The following SPIRE1 variants were observed in gnomAD, a reference collection of about 807,000 sequenced individuals.
SPIRE1 encodes protein spire homolog 1.
A neutral mutation model predicts 94.1 loss-of-function variants in SPIRE1; 40 were observed. The observed-to-expected ratio is 0.43, with a 90% CI of 0.33 to 0.55. The LOEUF is 0.55. Among genes scored for constraint, SPIRE1 ranks in the 20% least tolerant of loss-of-function variants. The pLI, the probability that SPIRE1 is intolerant of heterozygous loss-of-function variation, is 0.06. For missense variants in SPIRE1, 838 were observed against 975.2 expected, an observed-to-expected ratio of 0.86 and a Z score of 1.87; for synonymous variants, 376 against 371.7, an observed-to-expected ratio of 1.01 and a Z score of -0.13.
intron 2 of SPIRE1, among the ~76,000 whole-genome samples, chr18:12,623,719 C>A (rs575319919): frequency 4.5e-4 from 69 of 152,296 alleles, no homozygotes; most frequent in African/African-American, 1.4e-3. Context: ...ACCTCCACCT[C>A]CCAGGTTGAA....
At position 12,457,440 on chromosome 18, in the gene SPIRE1, G is replaced by A. The variant is rs543409844; in HGVS notation, c.1639-2957C>T. On this transcript the variant is annotated intron_variant, in intron 12 of 16. Transcript: ENST00000409402. ...ACTCTGGAATGTGGAGGGCACTCAAGGCCCCAGCTAGAGCGGGAGCCCTTC... is the reference window on the plus strand; with the variant it reads ...ACTCTGGAATGTGGAGGGCACTCAAAGCCCCAGCTAGAGCGGGAGCCCTTC... 8.6e-4 allele frequency among the ~76,000 whole-genome samples: 131 copies of A among 152,312 alleles called. 1 individual carries two copies. Among genetic ancestry groups the A allele is most frequent in the Non-Finnish European group, 1.2e-4 (8 of 68,030 alleles).
chr18:12,475,475 T>A (rs780390342), intron 10 of SPIRE1, among the ~76,000 whole-genome samples: 6 of 152,008 alleles, frequency 3.9e-5, no homozygotes, highest in Non-Finnish European at 7.4e-5. Context: ...CTGAAGGCAT[T>A]CAATAAATAT....
chr18:12,485,960 T>C lies in SPIRE1; in HGVS notation c.1230A>G (p.Ser410=), dbSNP rs2033023289. 1 of 1,531,766 alleles carries C rather than the reference T, an allele frequency of 6.5e-7. No individual in the cohort carries two copies. The highest frequency in any genetic ancestry group is 8.8e-7 in the Non-Finnish European group (1 of 1,141,268). 94.9% of individuals were successfully genotyped at this position (1,531,766 alleles called of 1,614,324 possible). A position where few individuals can be genotyped will look rare whatever the true frequency, so the allele number is the denominator to read the frequency against. The change falls in exon 9 of 17, where the codon TCA becomes TCG. Residue 410 remains serine, a splice_region_variant and synonymous_variant. Coordinates refer to ENST00000409402, the MANE Select transcript of SPIRE1 (RefSeq NM_001128626.2). ...PLSMSYSFDL[S]DVTTPESTKN... is the part of the protein sequence containing the mutation. Reference sequence around the variant, plus strand: ...TAAAAGTGTTTTTGTTTTTTTTACCTGACAAGTCAAAACTGTAAGACATGC... The same window carrying C: ...TAAAAGTGTTTTTGTTTTTTTTACCCGACAAGTCAAAACTGTAAGACATGC...
At chr18:12,451,725 C>T (rs148393117) in intron 16 of SPIRE1, among the ~76,000 whole-genome samples, 2 of 152,334 alleles carry the variant, frequency 1.3e-5, no homozygotes, top group African/African-American at 4.8e-5. Flanking sequence ...TTCCATCTTT[C>T]TTAAGGCCCA....
intron 2 of SPIRE1, among the ~76,000 whole-genome samples, chr18:12,580,984 C>T (rs147372237): frequency 1.5e-4 from 23 of 152,316 alleles, no homozygotes; most frequent in Non-Finnish European, 2.6e-4. Context: ...CATGATTCCA[C>T]TTATCCCCAT....
intron 12 of SPIRE1, 78 bp downstream of exon 12, chr18:12,463,273 T>C (rs1273107202): frequency 7.3e-7 from 1 of 1,373,988 alleles, no homozygotes; most frequent in Admixed American, 2.4e-5. Flanking sequence ...TTTCTCCTTA[T>C]CATCTTCATA....
rs1236226410 is a variant in SPIRE1 at position 12,486,015 on chromosome 18, A to G, written c.1190-15T>C. The G allele has an allele frequency of 3.3e-6, 5 of 1,519,262 alleles. No homozygotes were observed. The highest frequency in any genetic ancestry group is 4.4e-6 in the Non-Finnish European group (5 of 1,136,254). The allele number at this position is 1,519,262 out of a possible 1,614,324, so 94.1% of individuals were successfully genotyped here. A position where few individuals can be genotyped will look rare whatever the true frequency, so the allele number is the denominator to read the frequency against. ...TGGCCGCATTGCTGAAAAAAAGAAA[A>G]CAAACAATAAAAAGAAAATAATTCA... On this transcript the variant is annotated splice_polypyrimidine_tract_variant and intron_variant, in intron 8 of 16. Transcript: ENST00000409402.
chr18:12,647,383 A>C (rs2038255253), intron 1 of SPIRE1, among the ~76,000 whole-genome samples: 1 of 152,228 alleles, frequency 6.6e-6, no homozygotes, highest in South Asian at 2.1e-4. Context: ...CTATCCAGTA[A>C]GTCGATATTT....
intron 1 of SPIRE1, among the ~76,000 whole-genome samples, chr18:12,639,997 CA>C (rs2144844024): frequency 6.6e-6 from 1 of 152,206 alleles, no homozygotes; most frequent in East Asian, 1.9e-4. Flanking sequence ...AAATGTCTGT[CA>C]TAAAGAATTC....
intron 1 of SPIRE1, among the ~76,000 whole-genome samples, chr18:12,657,237 G>T (rs1473321831): frequency 6.8e-6 from 1 of 147,804 alleles, no homozygotes; most frequent in Non-Finnish European, 1.5e-5. Flanking sequence ...GCTGTCCCGC[G>T]GGCAGCACAA....
intron 8 of SPIRE1, among the ~76,000 whole-genome samples, chr18:12,488,599 TA>T (rs1011372752): frequency 1.3e-5 from 2 of 151,034 alleles, no homozygotes; most frequent in African/African-American, 2.4e-5. Context: ...AGCTCAATAT[TA>T]AAAAAAAATG....
At chr18:12,629,446 T>C (rs1340146136) in intron 2 of SPIRE1, among the ~76,000 whole-genome samples, 1 of 152,234 alleles carries the variant, frequency 6.6e-6, no homozygotes, top group Non-Finnish European at 1.5e-5. Context: ...AACTGCTTCC[T>C]TGACAGGCAA....
At chr18:12,461,423 T>TGTGTATGTATGTATATACATACAC (rs757938765) in intron 12 of SPIRE1, among the ~76,000 whole-genome samples, 1 of 143,700 alleles carries the variant, frequency 7.0e-6, no homozygotes, top group Non-Finnish European at 1.5e-5. Context: ...TATGTGTGTG[T>TGTGTATGTATGTATATACATACAC]GTGTGTATGT....
chr18:12,659,620 A>G (rs2038653534), upstream of SPIRE1, among the ~76,000 whole-genome samples: 1 of 152,194 alleles, frequency 6.6e-6, no homozygotes, highest in Non-Finnish European at 1.5e-5. Flanking sequence ...CAATGAGCCA[A>G]GATCACACCA....
chr18:12,497,473 G>A (rs1160379189), intron 6 of SPIRE1, among the ~76,000 whole-genome samples: 2 of 152,112 alleles, frequency 1.3e-5, no homozygotes, highest in South Asian at 2.1e-4. Context: ...CCCTTCCCCA[G>A]ACGTGACCAC....
At chr18:12,597,011 T>TA (rs2036691221) in intron 2 of SPIRE1, among the ~76,000 whole-genome samples, 1 of 151,374 alleles carries the variant, frequency 6.6e-6, no homozygotes, top group Non-Finnish European at 1.5e-5. Context: ...ACTGCCCTGT[T>TA]AACTTTTATT....
At position 12,479,887 on chromosome 18, in the gene SPIRE1, A is replaced by G. The variant is rs967054251; in HGVS notation, c.1232-16T>C. The G allele has an allele frequency of 1.9e-6, 3 of 1,607,624 alleles. No homozygotes were observed. The highest frequency in any genetic ancestry group is 1.7e-6 in the Non-Finnish European group (2 of 1,177,748). On this transcript the variant is annotated splice_polypyrimidine_tract_variant and intron_variant, in intron 9 of 16. Transcript: ENST00000409402. ...GTAGTCACATCTGGTAAAAAAGCAA[A>G]AGCTTACCTTTTCTTGAGCCAAGAA...
intron 10 of SPIRE1, among the ~76,000 whole-genome samples, chr18:12,467,696 A>G (rs34215298): frequency 1.3e-5 from 2 of 152,198 alleles, no homozygotes; most frequent in Non-Finnish European, 2.9e-5. Context: ...TCACGCCTGT[A>G]ATCCCAGCAC....
chr18:12,585,525 T>C (rs143974787), intron 2 of SPIRE1, among the ~76,000 whole-genome samples: 1 of 152,324 alleles, frequency 6.6e-6, no homozygotes, highest in African/African-American at 2.4e-5. Context: ...TCTATAGCTG[T>C]TAGTGTGTCT....
Sources: allele counts gnomAD v4.1 joint callset (sites outside exome capture counted in the v4.1 genomes callset), GRCh38; gene constraint gnomAD v4.1.1; transcripts MANE v1.5; gene names NCBI Gene and HGNC (gene_info 2026-07-23, HGNC 2026-07-21).